Variants in USP45 observed in about 807,000 individuals in gnomAD.
The protein encoded by USP45 is ubiquitin carboxyl-terminal hydrolase 45.
In USP45, 89 loss-of-function variants were observed where a neutral mutation model predicts 95.8. That is an observed-to-expected ratio of 0.93 (90% CI 0.78 to 1.11). The LOEUF (loss-of-function observed/expected upper bound fraction) is 1.11, where lower values mean the gene tolerates loss of function less well. Ranked by LOEUF, USP45 falls within the 50% of genes least tolerant of loss-of-function variation. The probability of loss-of-function intolerance (pLI) is 0.00; values close to 1 mark genes in which losing one functional copy is unlikely to be tolerated. For synonymous variants in USP45, 281 were observed against 316.2 expected, an observed-to-expected ratio of 0.89 and a Z score of 1.18; for missense variants, 898 against 942.5, an observed-to-expected ratio of 0.95 and a Z score of 0.62.
chr6:99,481,923 T>C (rs1254685263), intron 8 of USP45, among the ~76,000 whole-genome samples: 7 of 152,212 alleles, frequency 4.6e-5, no homozygotes, highest in Non-Finnish European at 8.8e-5. Context: ...CAGGTTTTTT[T>C]GGTCCTCAGG....
chr6:99,453,155 A>T (rs1232728687), intron 13 of USP45, among the ~76,000 whole-genome samples: 1 of 128,322 alleles, frequency 7.8e-6, no homozygotes, highest in Non-Finnish European at 1.6e-5. Flanking sequence ...GTGCACATGT[A>T]CCCTAGAACT....
Position 99,445,951 on chromosome 6 carries a change from A to C in USP45, c.1821T>G (p.Leu607=), listed in dbSNP as rs777785040. ...TAGAAGTAGTTATATAGCTCTGAGA[A>C]AGGGTCTGAAAAGCATTTTGGGGAC... is the stretch of plus-strand genomic sequence containing the variant. ...SYSPQNAFQT[L]SQSYITTSKE... is the part of the protein sequence containing the mutation. Residue 607 remains leucine, a synonymous_variant, in exon 14 of 18, where the codon CTT becomes CTG. Transcript: ENST00000500704. 2.5e-6 allele frequency: 4 copies of C among 1,613,972 alleles called. No individual in the cohort carries two copies. The highest frequency in any genetic ancestry group is 2.5e-6 in the Non-Finnish European group (3 of 1,180,024).
intron 4 of USP45, among the ~76,000 whole-genome samples, chr6:99,506,358 AC>A (rs1475793017): frequency 6.6e-6 from 1 of 152,144 alleles, no homozygotes; most frequent in Admixed American, 6.6e-5. Flanking sequence ...ACGGAGTGTC[AC>A]TCTATCACCC....
intron 14 of USP45, among the ~76,000 whole-genome samples, chr6:99,445,316 C>T (rs765214152): frequency 8.6e-5 from 13 of 151,970 alleles, no homozygotes; most frequent in Non-Finnish European, 1.8e-4. Flanking sequence ...AACCCCATCT[C>T]TACTAAAAAT....
At chr6:99,517,836 C>T (rs1801199134), upstream of USP45, among the ~76,000 whole-genome samples, 1 of 151,564 alleles carries the variant, frequency 6.6e-6, no homozygotes, top group Non-Finnish European at 1.5e-5. Context: ...GGTTTCTCAT[C>T]TTCCCCTCCT....
intron 7 of USP45, among the ~76,000 whole-genome samples, chr6:99,485,028 A>G (rs1157230687): frequency 6.6e-6 from 1 of 152,054 alleles, no homozygotes; most frequent in East Asian, 1.9e-4. Flanking sequence ...AAATAACCTT[A>G]GTTTTAAAAA....
At chr6:99,484,204 C>T (rs1422822090) in intron 7 of USP45, among the ~76,000 whole-genome samples, 1 of 151,012 alleles carries the variant, frequency 6.6e-6, no homozygotes, top group African/African-American at 2.4e-5. Flanking sequence ...AAGTCTCACT[C>T]TGTCACCCAG....
chr6:99,502,534 C>A (rs1464404818), intron 5 of USP45, among the ~76,000 whole-genome samples: 1 of 152,180 alleles, frequency 6.6e-6, no homozygotes, highest in Non-Finnish European at 1.5e-5. Flanking sequence ...CCTGTGAAGT[C>A]TGGCCTAACT....
intron 4 of USP45, 42 bp downstream of exon 4, chr6:99,507,386 G>T (rs1379254322): frequency 1.6e-6 from 2 of 1,220,930 alleles, no homozygotes; most frequent in Non-Finnish European, 2.3e-6. Context: ...AAATTGGGGG[G>T]CTGTGGTTAG....
chr6:99,435,637 T>C lies in USP45; in HGVS notation c.*79A>G. On this transcript the variant is annotated 3_prime_UTR_variant, in exon 18 of 18. Transcript: ENST00000500704. ...GCTATTCCTACAGAAGAGGGAAGAC[T>C]AGAAAGGCACATTATATATTATAGT... 7.7e-7 allele frequency: 1 copy of C among 1,291,870 alleles called. No homozygotes were observed. Among genetic ancestry groups the C allele is most frequent in the Non-Finnish European group, 1.0e-6 (1 of 954,088 alleles). The allele number at this position is 1,291,870 out of a possible 1,614,324, so 80.0% of individuals were successfully genotyped here.
chr6:99,475,513 A>C (rs1472537761), intron 9 of USP45, among the ~76,000 whole-genome samples: 2 of 151,972 alleles, frequency 1.3e-5, no homozygotes. Context: ...ACAGGGTTTC[A>C]GCATGTTTCC....
chr6:99,462,688 G>A (rs2128619101), intron 13 of USP45: 1 of 985,682 alleles, frequency 1.0e-6, no homozygotes, highest in Non-Finnish European at 1.2e-6. Flanking sequence ...AACAGAGTAA[G>A]TTAAATTCAG....
intron 8 of USP45, among the ~76,000 whole-genome samples, chr6:99,478,703 C>T (rs752760056): frequency 6.6e-6 from 1 of 152,108 alleles, no homozygotes; most frequent in Non-Finnish European, 1.5e-5. Context: ...ATATCCTTTG[C>T]AGCAAGCAAC....
intron 17 of USP45, 81 bp downstream of exon 17, chr6:99,437,165 G>A: frequency 7.1e-7 from 1 of 1,408,070 alleles, no homozygotes; most frequent in Non-Finnish European, 9.7e-7. Flanking sequence ...AGGCATCTAT[G>A]AAATAATAAC....
chr6:99,472,047 T>C (rs1381540371), intron 9 of USP45, among the ~76,000 whole-genome samples: 2 of 152,200 alleles, frequency 1.3e-5, no homozygotes, highest in Admixed American at 1.3e-4. Context: ...TGCATCCCAA[T>C]GCACCATTAC....
intron 8 of USP45, 55 bp from the exon 9 acceptor site, chr6:99,476,285 A>T (rs770758479): frequency 4.6e-5 from 70 of 1,516,726 alleles, no homozygotes; most frequent in Non-Finnish European, 6.1e-5. Context: ...TCCATGGTTC[A>T]TCAACACTCT....
intron 5 of USP45, among the ~76,000 whole-genome samples, chr6:99,497,538 G>A (rs1341400934): frequency 1.3e-5 from 2 of 152,052 alleles, no homozygotes; most frequent in African/African-American, 2.4e-5. Context: ...TCTCAAAATC[G>A]ACTAACTTCC....
intron 13 of USP45, among the ~76,000 whole-genome samples, chr6:99,460,428 TAAAC>T (rs2128610889): frequency 6.6e-6 from 1 of 152,244 alleles, no homozygotes; most frequent in African/African-American, 2.4e-5. Context: ...CACCACATGA[TAAAC>T]AAAAATATCC....
intron 14 of USP45, among the ~76,000 whole-genome samples, chr6:99,444,021 ATTT>A (rs200530604): frequency 1.4e-5 from 2 of 148,050 alleles, no homozygotes; most frequent in African/African-American, 5.0e-5. Context: ...TAGATTTCTA[ATTT>A]TTTTTTTTTC....
Sources: gnomAD v4.1 joint callset for allele counts (sites outside exome capture counted in the v4.1 genomes callset) on GRCh38, gnomAD v4.1.1 for gene constraint, MANE v1.5 for transcripts, NCBI Gene and HGNC (gene_info 2026-07-23, HGNC 2026-07-21) for gene names.